The following DNAJC8 variants were observed in gnomAD, a reference collection of about 807,000 sequenced individuals.
DNAJC8 encodes the protein DnaJ heat shock protein family (Hsp40) member C8.
A neutral mutation model predicts 43.2 loss-of-function variants in DNAJC8; 24 were observed. That is an observed-to-expected ratio of 0.56 (90% CI 0.40 to 0.78). DNAJC8 has a LOEUF of 0.78. Ranked by LOEUF, DNAJC8 falls within the 30% of genes least tolerant of loss-of-function variation. DNAJC8 has a pLI of 0.00. For missense variants in DNAJC8, 207 were observed against 299.4 expected, an observed-to-expected ratio of 0.69 and a Z score of 2.28; for synonymous variants, 83 against 98.0, an observed-to-expected ratio of 0.85 and a Z score of 0.90.
intron 7 of DNAJC8, among the ~76,000 whole-genome samples, chr1:28,204,426 C>T (rs1364377492): frequency 1.3e-5 from 2 of 151,510 alleles, no homozygotes; most frequent in Non-Finnish European, 2.9e-5. Flanking sequence ...ACTAAAAATG[C>T]AAAAATTAGC....
chr1:28,223,783 G>A (rs927482699), intron 2 of DNAJC8, among the ~76,000 whole-genome samples: 1 of 151,484 alleles, frequency 6.6e-6, no homozygotes, highest in African/African-American at 2.4e-5. Flanking sequence ...CTAACTATTA[G>A]AATAAATCCT....
intron 1 of DNAJC8, among the ~76,000 whole-genome samples, chr1:28,230,435 G>A (rs1646965976): frequency 6.6e-6 from 1 of 152,064 alleles, no homozygotes; most frequent in Non-Finnish European, 1.5e-5. Context: ...TTAAATGAAT[G>A]AGGCCAGTGT....
At chr1:28,229,132 C>A in intron 1 of DNAJC8, 109 bp from the exon 2 acceptor site, 2 of 913,590 alleles carry the variant, frequency 2.2e-6, no homozygotes, top group Non-Finnish European at 1.7e-6. Context: ...TGTGTGTTTA[C>A]CATGTGCAAG....
At position 28,201,376 on chromosome 1, in the gene DNAJC8, TAC is replaced by T. The variant is rs762318992; in HGVS notation, c.640-8_640-7del. ...ACACGACCATCTCGACTTTCCTAAGTACAAAAGAAGTTTGAGGTGAGGAGACC... is the reference window on the plus strand; with the variant it reads ...ACACGACCATCTCGACTTTCCTAAGTAAAAGAAGTTTGAGGTGAGGAGACC... On this transcript the variant is annotated splice_polypyrimidine_tract_variant and splice_region_variant and intron_variant, in intron 8 of 8. Coordinates refer to ENST00000263697, the MANE Select transcript of DNAJC8 (RefSeq NM_014280.3). 6.2e-7 allele frequency: 1 copy of T among 1,613,880 alleles called. No individual in the cohort carries two copies. Among genetic ancestry groups the T allele is most frequent in the South Asian group, 1.1e-5 (1 of 91,072 alleles).
intron 7 of DNAJC8, 75 bp from the exon 8 acceptor site, chr1:28,203,897 C>T: frequency 7.0e-7 from 1 of 1,430,552 alleles, no homozygotes; most frequent in Non-Finnish European, 9.8e-7. Context: ...GGCATCTCCC[C>T]ACAGAAGCAA....
intron 8 of DNAJC8, among the ~76,000 whole-genome samples, chr1:28,202,976 T>G (rs1414045019): frequency 6.6e-6 from 1 of 152,174 alleles, no homozygotes; most frequent in Non-Finnish European, 1.5e-5. Context: ...AAAGGTTAAA[T>G]GATTTTCTAA....
intron 8 of DNAJC8, among the ~76,000 whole-genome samples, chr1:28,201,958 G>T: frequency 6.8e-6 from 1 of 146,950 alleles, no homozygotes. Context: ...GCATGGTGGC[G>T]CATGCCTGTT....
chr1:28,202,588 C>CTT (rs369024181), intron 8 of DNAJC8, among the ~76,000 whole-genome samples: 10 of 89,652 alleles, frequency 1.1e-4, no homozygotes, highest in East Asian at 4.1e-4. Flanking sequence ...CTTTTTTTTT[C>CTT]TTTTTTTTTT....
rs1196521663 is a variant in DNAJC8, at chr1:28,210,671, G to C, written c.238-34C>G. On this transcript the variant is annotated intron_variant, in intron 3 of 8. Transcript: ENST00000263697. ...AGAGAAAAGTTGGGGTTGTCAATAA[G>C]GGAAACATTTACTAACTTCCAGCCT... 3.2e-6 allele frequency: 5 copies of C among 1,577,854 alleles called. No individual in the cohort carries two copies. In the African/African-American group the frequency reaches 6.7e-5, roughly 21 times the overall value.
chr1:28,211,256 A>G (rs959166767), intron 3 of DNAJC8, among the ~76,000 whole-genome samples: 5 of 152,220 alleles, frequency 3.3e-5, no homozygotes, highest in African/African-American at 1.2e-4. Context: ...ACTGAAAGGT[A>G]TCAAGTTCCT....
intron 8 of DNAJC8, among the ~76,000 whole-genome samples, chr1:28,202,427 C>T (rs1330348979): frequency 1.3e-5 from 2 of 151,510 alleles, no homozygotes; most frequent in Non-Finnish European, 2.9e-5. Flanking sequence ...CTAAAGGGGC[C>T]CGCCACCACG....
intron 3 of DNAJC8, among the ~76,000 whole-genome samples, chr1:28,214,307 G>A (rs1646836380): frequency 6.6e-6 from 1 of 152,060 alleles, no homozygotes; most frequent in Admixed American, 6.6e-5. Context: ...GGCTGAAGCA[G>A]GTAGATCACT....
intron 5 of DNAJC8, among the ~76,000 whole-genome samples, chr1:28,209,259 A>G (rs1223768776): frequency 5.3e-5 from 8 of 152,162 alleles, no homozygotes; most frequent in Admixed American, 4.6e-4. Flanking sequence ...AACTGGATTC[A>G]TTATTATGGT....
At chr1:28,202,453 G>A (rs1015988838) in intron 8 of DNAJC8, among the ~76,000 whole-genome samples, 1 of 151,676 alleles carries the variant, frequency 6.6e-6, no homozygotes, top group Non-Finnish European at 1.5e-5. Flanking sequence ...CTAATTTTTT[G>A]TATTTTTAGT....
rs1473954272 is a variant in DNAJC8 at position 28,215,003 on chromosome 1, G to GT, written c.181-8dup. On this transcript the variant is annotated splice_region_variant and splice_polypyrimidine_tract_variant and intron_variant, in intron 2 of 8. Transcript: ENST00000263697. ...CAGGATCTATCTGAAGAACCTGGAA[G>GT]TATCAAAATCAAAACCATAAAAAAG... 6.2e-7 allele frequency: 1 copy of GT among 1,600,808 alleles called. No individual in the cohort carries two copies. The highest frequency in any genetic ancestry group is 8.5e-7 in the Non-Finnish European group (1 of 1,174,638).
chr1:28,208,809 A>C (rs568448739), intron 5 of DNAJC8: 1 of 154,200 alleles, frequency 6.5e-6, no homozygotes, highest in East Asian at 1.9e-4. Flanking sequence ...AATCTGTGGC[A>C]TTATGTCCAA....
At chr1:28,224,214 C>G (rs529342882) in intron 2 of DNAJC8, among the ~76,000 whole-genome samples, 28 of 152,308 alleles carry the variant, frequency 1.8e-4, no homozygotes, top group African/African-American at 6.5e-4. Flanking sequence ...AGTTTCAAAG[C>G]ACCTCCACAT....
intron 1 of DNAJC8, among the ~76,000 whole-genome samples, chr1:28,232,428 C>T (rs1355973917): frequency 1.3e-5 from 2 of 152,190 alleles, no homozygotes; most frequent in Non-Finnish European, 2.9e-5. Flanking sequence ...ACTGTAAGGC[C>T]CCAAACTATT....
intron 2 of DNAJC8, among the ~76,000 whole-genome samples, chr1:28,222,900 C>T (rs1466388330): frequency 6.6e-6 from 1 of 152,102 alleles, no homozygotes; most frequent in Non-Finnish European, 1.5e-5. Context: ...AAAATGTCAG[C>T]ATGGGAGGGC....
Sources: gnomAD v4.1 joint callset for allele counts (sites outside exome capture counted in the v4.1 genomes callset) on GRCh38, gnomAD v4.1.1 for gene constraint, MANE v1.5 for transcripts, NCBI Gene and HGNC (gene_info 2026-07-23, HGNC 2026-07-21) for gene names.